Variants in DKK2 observed in about 807,000 individuals in gnomAD.
DKK2 encodes the protein dickkopf Wnt signaling pathway inhibitor 2, also known as dickkopf-related protein 2.
DKK2 carries 11 observed loss-of-function variants against 28.1 expected under a neutral mutation model. The observed-to-expected ratio is 0.39, with a 90% CI of 0.25 to 0.65. DKK2 has a LOEUF of 0.65. DKK2 is among the 30% of genes least tolerant of loss of function. The probability of loss-of-function intolerance (pLI) is 0.47; values close to 1 mark genes in which losing one functional copy is unlikely to be tolerated. For synonymous variants in DKK2, 135 were observed against 126.5 expected (o/e 1.07, Z -0.45); for missense variants, 326 against 335.5 (o/e 0.97, Z 0.22).
intron 1 of DKK2, among the ~76,000 whole-genome samples, chr4:106,983,380 G>A (rs1026035907): frequency 4.1e-5 from 6 of 148,048 alleles, no homozygotes; most frequent in African/African-American, 1.5e-4. Flanking sequence ...AGAAAGAAAA[G>A]AAAGAAAAGA....
At chr4:106,997,924 T>C (rs1432349569) in intron 1 of DKK2, among the ~76,000 whole-genome samples, 1 of 152,220 alleles carries the variant, frequency 6.6e-6, no homozygotes, top group African/African-American at 2.4e-5. Context: ...GAGTGTAGTG[T>C]TACCTAACTA....
intron 1 of DKK2, among the ~76,000 whole-genome samples, chr4:106,958,709 C>T (rs969901424): frequency 5.9e-5 from 9 of 151,486 alleles, no homozygotes; most frequent in African/African-American, 2.2e-4. Flanking sequence ...TGGTGGCAGG[C>T]GCCTGTAATC....
intron 1 of DKK2, among the ~76,000 whole-genome samples, chr4:106,982,760 A>G (rs1723043386): frequency 6.6e-6 from 1 of 151,962 alleles, no homozygotes; most frequent in Admixed American, 6.6e-5. Context: ...AAATTTCAAG[A>G]CAGGCATAGT....
chr4:106,942,183 G>A (rs937273682), intron 1 of DKK2, among the ~76,000 whole-genome samples: 1 of 152,022 alleles, frequency 6.6e-6, no homozygotes, highest in Non-Finnish European at 1.5e-5. Flanking sequence ...TCAGAAATGT[G>A]GTACATCTTG....
chr4:106,981,733 A>C (rs1379907124), intron 1 of DKK2, among the ~76,000 whole-genome samples: 1 of 151,990 alleles, frequency 6.6e-6, no homozygotes, highest in Non-Finnish European at 1.5e-5. Context: ...TTTGGATGCT[A>C]CTCAAGGGTG....
At chr4:106,950,240 G>T (rs1303582153) in intron 1 of DKK2, among the ~76,000 whole-genome samples, 3 of 152,134 alleles carry the variant, frequency 2.0e-5, no homozygotes. Flanking sequence ...AAAAGCACTT[G>T]CTCAGACCAA....
At chr4:106,967,966 GGAAT>G (rs1464684407) in intron 1 of DKK2, among the ~76,000 whole-genome samples, 1 of 144,622 alleles carries the variant, frequency 6.9e-6, no homozygotes, top group Non-Finnish European at 1.5e-5. Context: ...AAGAAAGAAA[GGAAT>G]GAAGAGAAAA....
chr4:106,939,417 C>T (rs1043434600), intron 1 of DKK2, among the ~76,000 whole-genome samples: 7 of 152,088 alleles, frequency 4.6e-5, no homozygotes, highest in African/African-American at 7.2e-5. Flanking sequence ...TGAAGGAACT[C>T]GTCAAGGAGA....
chr4:106,969,758 G>C (rs1419849693), intron 1 of DKK2, among the ~76,000 whole-genome samples: 1 of 152,168 alleles, frequency 6.6e-6, no homozygotes, highest in South Asian at 2.1e-4. Context: ...AAAGGAAAAG[G>C]CTGATGAAAG....
Position 107,031,347 on chromosome 4 carries a change from TTAGAG to T in DKK2, c.222+4018_222+4022del, listed in dbSNP as rs1318882086. On this transcript the variant is annotated intron_variant, in intron 1 of 3. Transcript: ENST00000285311. Reference sequence around the variant, plus strand: ...AAGTAAAGAGATCCCTTACCGAATATTAGAGTATATAGTTTATTTCAGTGAGCACT... The same window carrying T: ...AAGTAAAGAGATCCCTTACCGAATATTATATAGTTTATTTCAGTGAGCACT... Among the ~76,000 whole-genome samples, 11 of 152,074 alleles carry T rather than the reference TTAGAG, an allele frequency of 7.2e-5. No individual in the cohort carries two copies. In the South Asian group the frequency reaches 2.3e-3, roughly 32 times the overall value.
intron 1 of DKK2, among the ~76,000 whole-genome samples, chr4:106,982,266 A>G (rs888557565): frequency 6.6e-6 from 1 of 152,192 alleles, no homozygotes; most frequent in Admixed American, 6.6e-5. Flanking sequence ...TGTATTGAGT[A>G]TGTGTAAGAA....
At position 106,973,366 on chromosome 4, in the gene DKK2, G is replaced by T. The variant is rs564982952; in HGVS notation, c.223-47417C>A. On this transcript the variant is annotated intron_variant, in intron 1 of 3. Transcript: ENST00000285311. ...ACACTCCCACCAACAGTGTAAAAGTGTTCCCATTTCTCCACATTCTCTCCA... is the reference window on the plus strand; with the variant it reads ...ACACTCCCACCAACAGTGTAAAAGTTTTCCCATTTCTCCACATTCTCTCCA... Among the ~76,000 whole-genome samples, 159 of 152,304 alleles carry T rather than the reference G, an allele frequency of 1.0e-3. 1 individual carries two copies. Among genetic ancestry groups the T allele is most frequent in the African/African-American group, 3.5e-3 (145 of 41,590 alleles).
chr4:106,978,924 C>T (rs769771552), intron 1 of DKK2, among the ~76,000 whole-genome samples: 15 of 152,126 alleles, frequency 9.9e-5, no homozygotes, highest in Non-Finnish European at 1.9e-4. Flanking sequence ...CTACGGGTTG[C>T]GAAGACTGTG....
At chr4:106,980,860 A>G (rs1248456212) in intron 1 of DKK2, among the ~76,000 whole-genome samples, 1 of 152,190 alleles carries the variant, frequency 6.6e-6, no homozygotes, top group Non-Finnish European at 1.5e-5. Context: ...CCAATCCACC[A>G]AAAGTTTATT....
At chr4:107,020,568 A>G (rs1230257919) in intron 1 of DKK2, among the ~76,000 whole-genome samples, 2 of 152,086 alleles carry the variant, frequency 1.3e-5, no homozygotes, top group South Asian at 4.1e-4. Flanking sequence ...TAACTTTTTA[A>G]AATTAAGAAC....
At chr4:106,967,785 A>G (rs1722804185) in intron 1 of DKK2, among the ~76,000 whole-genome samples, 1 of 150,908 alleles carries the variant, frequency 6.6e-6, no homozygotes, top group Non-Finnish European at 1.5e-5. Context: ...GAAGCAAGTA[A>G]AAGAGAAAGG....
chr4:106,939,916 C>T (rs1724667233), intron 1 of DKK2, among the ~76,000 whole-genome samples: 1 of 152,146 alleles, frequency 6.6e-6, no homozygotes, highest in Non-Finnish European at 1.5e-5. Flanking sequence ...ATGTAGAAAG[C>T]TGAAACTGGA....
At chr4:106,969,679 T>C (rs1360462471) in intron 1 of DKK2, among the ~76,000 whole-genome samples, 1 of 152,016 alleles carries the variant, frequency 6.6e-6, no homozygotes, top group South Asian at 2.1e-4. Flanking sequence ...GTGTGAGAAA[T>C]ATGCTACTGC....
intron 1 of DKK2, among the ~76,000 whole-genome samples, chr4:106,974,348 C>T (rs1302618569): frequency 3.3e-5 from 5 of 152,054 alleles, no homozygotes; most frequent in South Asian, 2.1e-4. Context: ...GCCATTTTCA[C>T]GATATTGATT....
Sources: allele counts gnomAD v4.1 joint callset (sites outside exome capture counted in the v4.1 genomes callset), GRCh38; gene constraint gnomAD v4.1.1; transcripts MANE v1.5; gene names NCBI Gene and HGNC (gene_info 2026-07-23, HGNC 2026-07-21).